The following PMPCA variants were observed in gnomAD, a reference collection of about 807,000 sequenced individuals.
PMPCA encodes the protein peptidase, mitochondrial processing subunit alpha, also known as mitochondrial-processing peptidase subunit alpha.
A neutral mutation model predicts 59.3 loss-of-function variants in PMPCA; 47 were observed. The ratio of observed to expected loss-of-function variants is 0.79; its 90% CI spans 0.63 to 1.01. PMPCA has a LOEUF of 1.01. Ranked by LOEUF, PMPCA falls within the 50% of genes least tolerant of loss-of-function variation. The probability of loss-of-function intolerance (pLI) is 0.00; values close to 1 mark genes in which losing one functional copy is unlikely to be tolerated. For missense variants in PMPCA, 726 were observed against 704.5 expected, an observed-to-expected ratio of 1.03 and a Z score of -0.34; for synonymous variants, 338 against 290.3, an observed-to-expected ratio of 1.16 and a Z score of -1.67.
Position 136,418,826 on chromosome 9 carries a change from A to G in PMPCA, c.1110-2A>G. 1 of 1,609,982 alleles carries G rather than the reference A, an allele frequency of 6.2e-7. No individual in the cohort carries two copies. Among genetic ancestry groups the G allele is most frequent in the Non-Finnish European group, 8.5e-7 (1 of 1,177,392 alleles). ...ACTCCCATGACTCTCGCTTCCTCCC[A>G]GGCACCACTGGATGTATAACGCGAC... On this transcript the variant is annotated splice_acceptor_variant, in intron 9 of 12. Transcript: ENST00000371717. LOFTEE classifies it high-confidence loss of function.
intron 6 of PMPCA, 181 bp from the exon 7 acceptor site, chr9:136,416,770 G>T: frequency 3.3e-6 from 2 of 603,158 alleles, no homozygotes; most frequent in Non-Finnish European, 2.9e-6. Flanking sequence ...TTGTATTCTG[G>T]AGAGGCAGAT....
intron 4 of PMPCA, among the ~76,000 whole-genome samples, chr9:136,414,272 G>A (rs1588810092): frequency 6.6e-6 from 1 of 152,354 alleles, no homozygotes; most frequent in South Asian, 2.1e-4. Context: ...CACACTGTAA[G>A]ACAGGAAAAG....
At chr9:136,422,762 C>G (rs1237423444) in intron 12 of PMPCA, 6 of 1,123,694 alleles carry the variant, frequency 5.3e-6, no homozygotes, top group Non-Finnish European at 6.6e-6. Flanking sequence ...CCATGCGGCC[C>G]TCGGGGGCTG....
chr9:136,418,318 G>T (rs531881266), intron 8 of PMPCA, among the ~76,000 whole-genome samples: 1 of 151,564 alleles, frequency 6.6e-6, no homozygotes, highest in South Asian at 2.1e-4. Flanking sequence ...GCGTCTGACG[G>T]CGCTCGTGAC....
Position 136,419,048 on chromosome 9 carries a change from G to A in PMPCA, c.1205G>A (p.Arg402Gln), listed in dbSNP as rs769031961. Residue 402 changes from arginine to glutamine, a missense_variant, in exon 11 of 13, where the codon CGA becomes CAA. Coordinates refer to ENST00000371717, the MANE Select transcript of PMPCA (RefSeq NM_015160.3). ...TCGTCTTGCCCTTCTTCGCAGGTTC[G>A]AGAAATGGTAGAAATCATCACAAAG... ...IHASADPRQV[R>Q]EMVEIITKEF... 5.6e-6 allele frequency: 9 copies of A among 1,613,950 alleles called. No homozygotes were observed. Among genetic ancestry groups the A allele is most frequent in the African/African-American group, 2.7e-5 (2 of 75,054 alleles).
chr9:136,414,235 A>G (rs374679815), intron 4 of PMPCA, among the ~76,000 whole-genome samples: 1 of 152,224 alleles, frequency 6.6e-6, no homozygotes, highest in African/African-American at 2.4e-5. Flanking sequence ...AGCTGTGTGT[A>G]GCTGTGAGTC....
At chr9:136,414,669 G>A (rs533227179) in intron 5 of PMPCA, 22 bp downstream of exon 5, 77 of 1,504,514 alleles carry the variant, frequency 5.1e-5, no homozygotes, top group Non-Finnish European at 6.2e-5. Context: ...AGCCGCTGGC[G>A]TTTGAGGTGG....
In PMPCA at chr9:136,421,955, C is replaced by T. The variant is rs763384655; in HGVS notation, c.1387C>T (p.His463Tyr). Reference sequence around the variant, plus strand: ...GGCCACTCGCTCCAGAAAGCTGCCGCACGAGCTGTGCACGCTCATCCGTGA... The same window carrying T: ...GGCCACTCGCTCCAGAAAGCTGCCGTACGAGCTGTGCACGCTCATCCGTGA... Reference protein sequence around the residue: ...VLATRSRKLPHELCTLIRNVK... With the variant: ...VLATRSRKLPYELCTLIRNVK... The change falls in exon 12 of 13, where the codon CAC (histidine) becomes TAC (tyrosine). Residue 463 changes from histidine to tyrosine, a missense_variant. Physicochemically the swap from His to Tyr is moderately conservative, Grantham distance 83. Transcript: ENST00000371717. The T allele has an allele frequency of 1.2e-6, 2 of 1,612,844 alleles. No homozygotes were observed. The highest frequency in any genetic ancestry group is 2.2e-5 in the East Asian group (1 of 44,848).
intron 2 of PMPCA, 83 bp downstream of exon 2, chr9:136,412,282 G>A: frequency 9.6e-7 from 1 of 1,046,018 alleles, no homozygotes; most frequent in South Asian, 1.3e-5. Flanking sequence ...TAATTAGCAT[G>A]CCAATTATGA....
intron 11 of PMPCA, among the ~76,000 whole-genome samples, chr9:136,421,144 G>A (rs555049268): frequency 3.7e-4 from 56 of 152,346 alleles, no homozygotes; most frequent in Middle Eastern, 3.4e-3. Context: ...CGCCGGAGGC[G>A]TCTGGGGAAG....
Position 136,421,937 on chromosome 9 carries a change from C to G in PMPCA, c.1369C>G (p.Arg457Gly), listed in dbSNP as rs777721128. ...EDVGRQVLAT[R>G]SRKLPHELCT... is the part of the protein sequence containing the mutation. ...TGTGGGGAGGCAGGTGCTGGCCACTCGCTCCAGAAAGCTGCCGCACGAGCT... is the reference window on the plus strand; with the variant it reads ...TGTGGGGAGGCAGGTGCTGGCCACTGGCTCCAGAAAGCTGCCGCACGAGCT... The change falls in exon 12 of 13, where the codon CGC (arginine) becomes GGC (glycine). Residue 457 changes from arginine to glycine, a missense_variant. By Grantham distance (125) the Arg-to-Gly change is moderately radical (BLOSUM62 -2). Coordinates refer to ENST00000371717, the MANE Select transcript of PMPCA (RefSeq NM_015160.3). 4 of 1,612,886 alleles carry G rather than the reference C, an allele frequency of 2.5e-6. No homozygotes were observed. Among genetic ancestry groups the G allele is most frequent in the South Asian group, 2.2e-5 (2 of 91,036 alleles).
chr9:136,411,922 C>G lies in PMPCA; in HGVS notation c.72-75C>G. ...CACTTTTAACCCAGACAAAACATAA[C>G]TAACCGCACCTAACAGGTCATCACA... On this transcript the variant is annotated intron_variant, in intron 1 of 12. Transcript: ENST00000371717. 3.6e-6 allele frequency: 3 copies of G among 832,996 alleles called. No homozygotes were observed. In the East Asian group the frequency reaches 7.9e-5, roughly 22 times the overall value. The allele number at this position is 832,996 out of a possible 1,614,324, so 51.6% of individuals were successfully genotyped here.
Position 136,423,246 on chromosome 9 carries a change from G to A in PMPCA, c.1560G>A (p.Thr520=), listed in dbSNP as rs991112499. The A allele has an allele frequency of 3.2e-5, 51 of 1,612,110 alleles. No individual in the cohort carries two copies. Among genetic ancestry groups the A allele is most frequent in the Non-Finnish European group, 3.9e-5 (46 of 1,179,374 alleles). ...LSSKDGRLPR[T]YRLFR ...GTAAGGACGGGCGCCTGCCCAGGAC[G>A]TACCGGCTCTTCCGGTAGAACCGCT... is the stretch of plus-strand genomic sequence containing the variant. Residue 520 remains threonine (T), a synonymous_variant, in exon 13 of 13, where the codon ACG becomes ACA. Coordinates refer to ENST00000371717, the MANE Select transcript of PMPCA (RefSeq NM_015160.3).
intron 3 of PMPCA, 81 bp downstream of exon 3, chr9:136,412,650 A>C: frequency 1.2e-6 from 1 of 817,924 alleles, no homozygotes; most frequent in Non-Finnish European, 2.1e-6. Flanking sequence ...TGGTTATTTT[A>C]ATAAATTATC....
rs781604375 is a variant in PMPCA at position 136,416,396 on chromosome 9, A to T, written c.633+5A>T. On this transcript the variant is annotated splice_donor_5th_base_variant and intron_variant, in intron 6 of 12. Transcript: ENST00000371717. ...CTCACCGAGATGATTCATGAAGTAA[A>T]ATGTCAAACTCGAGAATGCCCCCGC... The T allele has an allele frequency of 1.4e-5, 23 of 1,602,780 alleles. No homozygotes were observed. The highest frequency in any genetic ancestry group is 2.0e-5 in the Non-Finnish European group (23 of 1,169,948).
At chr9:136,422,169 C>T in intron 12 of PMPCA, 193 bp downstream of exon 12, 1 of 1,526,754 alleles carries the variant, frequency 6.5e-7, no homozygotes, top group Non-Finnish European at 8.8e-7. Context: ...GTCTCACTTC[C>T]CGGCCCCACC....
At chr9:136,410,890 G>T in intron 1 of PMPCA, 151 bp downstream of exon 1, 1 of 569,108 alleles carries the variant, frequency 1.8e-6, no homozygotes, top group Non-Finnish European at 2.6e-6. Flanking sequence ...CGGGGGCCCT[G>T]CCTTGCTTTG....
At position 136,412,066 on chromosome 9, in the gene PMPCA, C is replaced by T. The variant is rs1296602689; in HGVS notation, c.141C>T (p.Pro47=). 1 of 1,613,326 alleles carries T rather than the reference C, an allele frequency of 6.2e-7. No individual in the cohort carries two copies. Among genetic ancestry groups the T allele is most frequent in the South Asian group, 1.1e-5 (1 of 91,064 alleles). Residue 47 remains proline, a synonymous_variant, in exon 2 of 13, where the codon CCC becomes CCT. Transcript: ENST00000371717. Reference sequence around the variant, plus strand: ...ATCCCAACATCCCCCTCTCTTCTCCCTTACCTGGAGTACCCAAGCCTGTTT... The same window carrying T: ...ATCCCAACATCCCCCTCTCTTCTCCTTTACCTGGAGTACCCAAGCCTGTTT... ...GAYPNIPLSS[P]LPGVPKPVFA...
At chr9:136,412,656 T>C in intron 3 of PMPCA, 87 bp downstream of exon 3, 1 of 802,392 alleles carries the variant, frequency 1.2e-6, no homozygotes, top group Non-Finnish European at 2.1e-6. Flanking sequence ...TTTTAATAAA[T>C]TATCAAGTTG....
Sources: allele counts gnomAD v4.1 joint callset (sites outside exome capture counted in the v4.1 genomes callset), GRCh38; gene constraint gnomAD v4.1.1; transcripts MANE v1.5; gene names NCBI Gene and HGNC (gene_info 2026-07-23, HGNC 2026-07-21).